MED15: variants seen among roughly 807,000 people sequenced by gnomAD.
MED15 encodes the protein mediator of RNA polymerase II transcription subunit 15.
Under a neutral mutation model 118.7 loss-of-function variants are expected in MED15, and 41 were observed. The observed-to-expected ratio is 0.35, with a 90% CI of 0.27 to 0.45. The LOEUF (loss-of-function observed/expected upper bound fraction) is 0.45. Ranked by LOEUF, MED15 falls within the 20% of genes least tolerant of loss-of-function variation. MED15 has a pLI of 1.00. For missense variants in MED15, 740 were observed against 1,025.5 expected (o/e 0.72, Z 3.80); for synonymous variants, 436 against 413.9 (o/e 1.05, Z -0.65).
intron 16 of MED15, 71 bp from the exon 17 acceptor site, chr22:20,585,657 C>A: frequency 7.0e-7 from 1 of 1,429,176 alleles, no homozygotes; most frequent in Non-Finnish European, 9.8e-7. Context: ...GAGTCCTGTT[C>A]CAGAGCAGGG....
At chr22:20,579,334 C>G (rs1407041746) in intron 9 of MED15, among the ~76,000 whole-genome samples, 1 of 152,176 alleles carries the variant, frequency 6.6e-6, no homozygotes, top group African/African-American at 2.4e-5. Context: ...TGGCTTCCTG[C>G]TCTCGTGCTC....
chr22:20,576,620 A>T (rs935351327), intron 9 of MED15, among the ~76,000 whole-genome samples: 2 of 152,268 alleles, frequency 1.3e-5, no homozygotes, highest in African/African-American at 4.8e-5. Context: ...GTTGAATTAC[A>T]GCGGGAGGAA....
intron 9 of MED15, among the ~76,000 whole-genome samples, chr22:20,576,693 G>A (rs1456157460): frequency 1.0e-5 from 1 of 98,198 alleles, no homozygotes; most frequent in Non-Finnish European, 2.4e-5. Context: ...GCGGAAGTTG[G>A]GGGTCAGGAA....
intron 1 of MED15, among the ~76,000 whole-genome samples, chr22:20,520,922 T>A (rs1414076622): frequency 6.6e-6 from 1 of 151,714 alleles, no homozygotes; most frequent in African/African-American, 2.4e-5. Context: ...GTGTTTTTTG[T>A]AGAGATGGGG....
At chr22:20,528,040 C>T (rs12165407) in intron 1 of MED15, among the ~76,000 whole-genome samples, 2,120 of 151,896 alleles carry the variant, frequency 0.014, 51 homozygotes, top group African/African-American at 0.048. Context: ...ATTACAGGTG[C>T]GAACCACTGC....
intron 7 of MED15, 137 bp from the exon 8 acceptor site, chr22:20,568,384 C>T: frequency 7.5e-7 from 1 of 1,336,646 alleles, no homozygotes; most frequent in Non-Finnish European, 1.0e-6. Context: ...AGTAAGGTGA[C>T]ATCACAGCAC....
intron 1 of MED15, among the ~76,000 whole-genome samples, chr22:20,526,417 C>T (rs1285663668): frequency 6.6e-6 from 1 of 152,178 alleles, no homozygotes; most frequent in Non-Finnish European, 1.5e-5. Flanking sequence ...AGCTCCCTTC[C>T]ATCGCCATTA....
At chr22:20,551,228 T>C in intron 2 of MED15, 1 of 701,390 alleles carries the variant, frequency 1.4e-6, no homozygotes. Flanking sequence ...CCCCTTCTTG[T>C]TTCTTTGTGC....
intron 9 of MED15, among the ~76,000 whole-genome samples, chr22:20,575,470 C>G (rs1212181535): frequency 6.6e-6 from 1 of 151,714 alleles, no homozygotes; most frequent in Non-Finnish European, 1.5e-5. Context: ...ATACTGTACG[C>G]ATTTTCATGG....
At chr22:20,555,609 G>A (rs1186706941) in intron 5 of MED15, among the ~76,000 whole-genome samples, 1 of 152,228 alleles carries the variant, frequency 6.6e-6, no homozygotes, top group African/African-American at 2.4e-5. Flanking sequence ...TTTCTGTGAA[G>A]GAGACTCTGT....
At chr22:20,572,968 T>TTC (rs1230318027) in intron 8 of MED15, among the ~76,000 whole-genome samples, 2 of 144,756 alleles carry the variant, frequency 1.4e-5, no homozygotes, top group Non-Finnish European at 3.1e-5. Context: ...CTCATTTTCT[T>TTC]TTTTTTTTTT....
chr22:20,575,170 A>AC lies in MED15; in HGVS notation c.1212dup (p.Thr405HisfsTer75). 6.2e-7 allele frequency: 1 copy of AC among 1,614,178 alleles called. No individual in the cohort carries two copies. Among genetic ancestry groups the AC allele is most frequent in the Non-Finnish European group, 8.5e-7 (1 of 1,180,032 alleles). On this transcript the variant is annotated frameshift_variant, in exon 9 of 18. Transcript: ENST00000263205. LOFTEE classifies it high-confidence loss of function. ...GCACATAAGAGCCCGGTTCCCGCCTACCACCGCTGTGTCCGCCATCCCGTC... is the reference window on the plus strand; with the variant it reads ...GCACATAAGAGCCCGGTTCCCGCCTACCCACCGCTGTGTCCGCCATCCCGTC...
chr22:20,584,741 T>G, intron 14 of MED15, 114 bp from the exon 15 acceptor site: 37 of 1,322,034 alleles, frequency 2.8e-5, no homozygotes, highest in Non-Finnish European at 3.6e-5. Flanking sequence ...GTGGAGGCTG[T>G]GAGAGAGGCC....
chr22:20,587,494 G>T lies in MED15; in HGVS notation c.*790G>T. The T allele has an allele frequency of 4.0e-6, 1 of 248,148 alleles. No homozygotes were observed. Among genetic ancestry groups the T allele is most frequent in the Non-Finnish European group, 7.9e-6 (1 of 127,082 alleles). 15.4% of individuals were successfully genotyped at this position (248,148 alleles called of 1,614,324 possible). A position where few individuals can be genotyped will look rare whatever the true frequency, so the allele number is the denominator to read the frequency against. ...CTGGCAGCGGGCCGGGCCATGCAGG[G>T]AGCGCCTCCCTATGTTGCCTGCCAC... On this transcript the variant is annotated 3_prime_UTR_variant, in exon 18 of 18. Transcript: ENST00000263205.
At chr22:20,564,723 T>C (rs1489977551) in intron 6 of MED15, 35 bp downstream of exon 6, 1 of 1,612,796 alleles carries the variant, frequency 6.2e-7, no homozygotes, top group Non-Finnish European at 8.5e-7. Context: ...TTGGCCTCCC[T>C]CCTGCAGCGT....
In MED15 at chr22:20,568,651, G is replaced by A. The variant is rs1324241610; in HGVS notation, c.1152+20G>A. ...GTCCAGGTGAGGGCCTGGGGGTGGA[G>A]GGCTCCATAGTCATCAGCAGGTGCA... is the stretch of plus-strand genomic sequence containing the variant. On this transcript the variant is annotated intron_variant, in intron 8 of 17. Coordinates refer to ENST00000263205, the MANE Select transcript of MED15 (RefSeq NM_001003891.3). 1.2e-6 allele frequency: 2 copies of A among 1,609,186 alleles called. No individual in the cohort carries two copies. Among genetic ancestry groups the A allele is most frequent in the South Asian group, 1.1e-5 (1 of 90,498 alleles).
chr22:20,566,648 A>G lies in MED15; in HGVS notation c.872A>G (p.Gln291Arg). The G allele has an allele frequency of 6.2e-7, 1 of 1,614,178 alleles. No individual in the cohort carries two copies. Among genetic ancestry groups the G allele is most frequent in the Non-Finnish European group, 8.5e-7 (1 of 1,180,018 alleles). ...TCCCAGGCTCTGCCCCAGCAGCTGC[A>G]GCAGATGCATCACACACAGCACCAC... Reference protein sequence around the residue: ...PPSQALPQQLQQMHHTQHHQP... With the variant: ...PPSQALPQQLRQMHHTQHHQP... The change falls in exon 7 of 18, where the codon CAG (glutamine) becomes CGG (arginine). Residue 291 changes from glutamine (Q) to arginine (R), a missense_variant. Transcript: ENST00000263205.
At chr22:20,582,499 G>T in intron 9 of MED15, 112 bp from the exon 10 acceptor site, 1 of 1,483,842 alleles carries the variant, frequency 6.7e-7, no homozygotes, top group Non-Finnish European at 9.0e-7. Context: ...GAAGACACAG[G>T]TGTGTGGTGA....
chr22:20,517,180 C>T (rs1034057723), intron 1 of MED15, among the ~76,000 whole-genome samples: 1 of 152,032 alleles, frequency 6.6e-6, no homozygotes, highest in African/African-American at 2.4e-5. Context: ...TCAAGTGAGC[C>T]TCCTGCCTTT....
Sources: gnomAD v4.1 joint callset for allele counts (sites outside exome capture counted in the v4.1 genomes callset) on GRCh38, gnomAD v4.1.1 for gene constraint, MANE v1.5 for transcripts, NCBI Gene and HGNC (gene_info 2026-07-23, HGNC 2026-07-21) for gene names.